Variants in DESI1 observed in about 807,000 individuals in gnomAD.
DESI1 encodes PPPDE peptidase domain containing 2.
A neutral mutation model predicts 22.4 loss-of-function variants in DESI1; 17 were observed. The observed-to-expected ratio is 0.76, with a 90% CI of 0.52 to 1.14. The LOEUF (loss-of-function observed/expected upper bound fraction) is 1.14. Ranked by LOEUF, DESI1 falls within the 50% of genes most tolerant of loss-of-function variation. DESI1 has a pLI of 0.00. For synonymous variants in DESI1, 92 were observed against 84.2 expected (o/e 1.09, Z -0.51); for missense variants, 177 against 208.9 (o/e 0.85, Z 0.94).
rs926935492 is a variant in DESI1, at chr22:41,598,164, G to C, written c.*2933C>G. The stretch of plus-strand genomic sequence containing the variant: ...GATACTAGATTTACTTCTGGGAGGG[G>C]GTGATGGTCTCATCCCTCCTCCTTC... On this transcript the variant is annotated 3_prime_UTR_variant, in exon 6 of 6. Coordinates refer to ENST00000263256, the MANE Select transcript of DESI1 (RefSeq NM_015704.3). 1.3e-5 allele frequency: 2 copies of C among 152,156 alleles called. No homozygotes were observed. The highest frequency in any genetic ancestry group is 2.4e-5 in the African/African-American group (1 of 41,406). The allele number at this position is 152,156 out of a possible 1,614,324, so 9.4% of individuals were successfully genotyped here.
chr22:41,601,589 A>C (rs931854761), intron 5 of DESI1, among the ~76,000 whole-genome samples: 4 of 152,194 alleles, frequency 2.6e-5, no homozygotes, highest in Non-Finnish European at 4.4e-5. Context: ...CAAAAGAAGA[A>C]GGATATGAAA....
chr22:41,603,943 T>G (rs1196095014), intron 4 of DESI1, 101 bp downstream of exon 4: 2 of 1,062,886 alleles, frequency 1.9e-6, no homozygotes, highest in African/African-American at 3.2e-5. Context: ...CCAGGCCTTG[T>G]GCTGAGTGAT....
At chr22:41,619,958 A>C (rs756442829) in intron 1 of DESI1, among the ~76,000 whole-genome samples, 2 of 152,208 alleles carry the variant, frequency 1.3e-5, no homozygotes, top group Admixed American at 6.5e-5. Flanking sequence ...ATTTAAGTTG[A>C]AATAAGGTGT....
At chr22:41,613,307 C>A (rs1301065459) in intron 1 of DESI1, among the ~76,000 whole-genome samples, 1 of 152,196 alleles carries the variant, frequency 6.6e-6, no homozygotes, top group African/African-American at 2.4e-5. Flanking sequence ...CATAACATTT[C>A]CAGGATTAAA....
chr22:41,614,441 C>CA (rs1370882153), intron 1 of DESI1, among the ~76,000 whole-genome samples: 3 of 152,040 alleles, frequency 2.0e-5, no homozygotes, highest in Non-Finnish European at 4.4e-5. Context: ...CCTTTTGAGA[C>CA]AGAGTCTCAC....
At chr22:41,612,756 CTT>C (rs1176318751) in intron 1 of DESI1, among the ~76,000 whole-genome samples, 40 of 134,680 alleles carry the variant, frequency 3.0e-4, no homozygotes, top group Admixed American at 5.3e-4. Flanking sequence ...CCCAGGCCTA[CTT>C]TTTTTTTTTT....
chr22:41,605,161 C>T (rs2067471762), intron 3 of DESI1, among the ~76,000 whole-genome samples: 2 of 152,090 alleles, frequency 1.3e-5, no homozygotes, highest in Admixed American at 1.3e-4. Flanking sequence ...CTTGATATCC[C>T]GTGTAATAAT....
In DESI1 at chr22:41,620,738, C is replaced by T. The variant is rs758854552; in HGVS notation, c.88+14G>A. 1.9e-6 allele frequency: 3 copies of T among 1,600,444 alleles called. No homozygotes were observed. Among genetic ancestry groups the T allele is most frequent in the Admixed American group, 1.7e-5 (1 of 58,090 alleles). ...GCTCCCGCCCTCCTGCCCACCTGGC[C>T]CCTTCCCCCTCACCCAGCATGATGG... On this transcript the variant is annotated intron_variant, in intron 1 of 5. Coordinates refer to ENST00000263256, the MANE Select transcript of DESI1 (RefSeq NM_015704.3).
chr22:41,604,540 C>T (rs1050999905), intron 3 of DESI1, among the ~76,000 whole-genome samples: 4 of 152,068 alleles, frequency 2.6e-5, no homozygotes, highest in Non-Finnish European at 5.9e-5. Context: ...AGCTACTGCG[C>T]CCAGCCTGAC....
intron 1 of DESI1, among the ~76,000 whole-genome samples, chr22:41,609,433 G>A (rs956770913): frequency 2.6e-4 from 40 of 152,190 alleles, no homozygotes; most frequent in African/African-American, 8.9e-4. Context: ...TCTGATAAAT[G>A]GAGGCTCTTA....
rs1210609047 is a variant in DESI1 at position 41,601,084 on chromosome 22, C to T, written c.*13G>A. 28 of 1,610,896 alleles carry T rather than the reference C, an allele frequency of 1.7e-5. No individual in the cohort carries two copies. Among genetic ancestry groups the T allele is most frequent in the Non-Finnish European group, 2.4e-5 (28 of 1,178,170 alleles). ...AAAGCCCTGGTGAGGCAGGGCGGTC[C>T]CAGGCAGTCCTGTTAGCTCTGGCCG... On this transcript the variant is annotated 3_prime_UTR_variant, in exon 6 of 6. Transcript: ENST00000263256.
chr22:41,598,918 A>T lies in DESI1; in HGVS notation c.*2179T>A, dbSNP rs1162781162. On this transcript the variant is annotated 3_prime_UTR_variant, in exon 6 of 6. Coordinates refer to ENST00000263256, the MANE Select transcript of DESI1 (RefSeq NM_015704.3). Reference sequence around the variant, plus strand: ...CTGCTCTAATCTATTATTTCCATGCACACTGGCAAATCAGTGGGTCTTGAG... The same window carrying T: ...CTGCTCTAATCTATTATTTCCATGCTCACTGGCAAATCAGTGGGTCTTGAG... The T allele has an allele frequency of 6.6e-6, 1 of 152,242 alleles. No homozygotes were observed. The highest frequency in any genetic ancestry group is 1.5e-5 in the Non-Finnish European group (1 of 68,052). 9.4% of individuals were successfully genotyped at this position (152,242 alleles called of 1,614,324 possible).
intron 5 of DESI1, chr22:41,601,857 G>C (rs1225197706): frequency 6.6e-6 from 1 of 152,334 alleles, no homozygotes; most frequent in African/African-American, 2.4e-5. Context: ...GGGATTACAG[G>C]CGTGTGCCAC....
At chr22:41,618,251 T>C (rs2067561681) in intron 1 of DESI1, among the ~76,000 whole-genome samples, 1 of 151,532 alleles carries the variant, frequency 6.6e-6, no homozygotes, top group Non-Finnish European at 1.5e-5. Flanking sequence ...TAATCCCAGC[T>C]ACTCTGGAGG....
At chr22:41,613,464 CT>C (rs2067530473) in intron 1 of DESI1, among the ~76,000 whole-genome samples, 1 of 152,176 alleles carries the variant, frequency 6.6e-6, no homozygotes. Context: ...TTCACGTGTC[CT>C]TCTCCCCAGT....
intron 5 of DESI1, 124 bp from the exon 6 acceptor site, chr22:41,601,314 G>T: frequency 1.2e-6 from 1 of 819,234 alleles, no homozygotes; most frequent in Non-Finnish European, 1.9e-6. Context: ...AGCACCAGCA[G>T]AGAAGGAAAG....
chr22:41,603,733 CCT>C (rs1470710118), intron 4 of DESI1, among the ~76,000 whole-genome samples: 3 of 152,200 alleles, frequency 2.0e-5, no homozygotes, highest in African/African-American at 4.8e-5. Context: ...TTCTGCAAAC[CCT>C]GTTTTTCCTT....
intron 4 of DESI1, 61 bp downstream of exon 4, chr22:41,603,983 A>G (rs988489010): frequency 3.1e-5 from 45 of 1,473,970 alleles, no homozygotes; most frequent in Non-Finnish European, 4.0e-5. Context: ...AGCTGCCTCC[A>G]GGGGTTATTA....
At chr22:41,605,274 G>C (rs1173815094) in intron 3 of DESI1, among the ~76,000 whole-genome samples, 3 of 152,256 alleles carry the variant, frequency 2.0e-5, no homozygotes, top group African/African-American at 7.2e-5. Context: ...CACCATCATA[G>C]GGCAAGGGAG....
Sources: gnomAD v4.1 joint callset for allele counts (sites outside exome capture counted in the v4.1 genomes callset) on GRCh38, gnomAD v4.1.1 for gene constraint, MANE v1.5 for transcripts, NCBI Gene and HGNC (gene_info 2026-07-23, HGNC 2026-07-21) for gene names.